Variants in SLC16A2 observed in about 807,000 individuals in gnomAD.
SLC16A2 encodes monocarboxylate transporter 8.
SLC16A2 carries 3 observed loss-of-function variants against 27.2 expected under a neutral mutation model. The ratio of observed to expected loss-of-function variants is 0.11; its 90% CI spans 0.05 to 0.28. The LOEUF is 0.28. Ranked by LOEUF, SLC16A2 falls within the 10% of genes least tolerant of loss-of-function variation. The pLI, the probability that SLC16A2 is intolerant of heterozygous loss-of-function variation, is 1.00. For synonymous variants in SLC16A2, 202 were observed against 187.8 expected (o/e 1.08, Z -0.62); for missense variants, 295 against 458.5 (o/e 0.64, Z 3.26).
chrX:74,525,064 A>G (rs1038511663), intron 3 of SLC16A2, among the ~76,000 whole-genome samples: 3 of 111,915 alleles, frequency 2.7e-5, no homozygotes, highest in Non-Finnish European at 5.6e-5. Context: ...AAAAATTTAG[A>G]TAGATTTTGA....
At chrX:74,473,136 A>G (rs1929389728) in intron 1 of SLC16A2, 4 of 586,899 alleles carry the variant, frequency 6.8e-6, no homozygotes, top group South Asian at 2.2e-5. Flanking sequence ...TCTGACTCCA[A>G]AGTTTCATGG....
chrX:74,525,922 G>A (rs1363951249), intron 4 of SLC16A2, 29 bp downstream of exon 4: 3 of 1,202,842 alleles, frequency 2.5e-6, no homozygotes, highest in Non-Finnish European at 3.4e-6. Context: ...CCACTGTGGG[G>A]AGAAACAGCC....
At chrX:74,446,889 G>A (rs1192555711) in intron 1 of SLC16A2, among the ~76,000 whole-genome samples, 1 of 112,221 alleles carries the variant, frequency 8.9e-6, no homozygotes, top group Non-Finnish European at 1.9e-5. Context: ...AGAAAATTAA[G>A]CCAAAAGAAA....
At chrX:74,459,245 T>TATATATATA (rs1569288361) in intron 1 of SLC16A2, among the ~76,000 whole-genome samples, 1 of 99,065 alleles carries the variant, frequency 1.0e-5, no homozygotes, top group Non-Finnish European at 2.0e-5. Flanking sequence ...TATATATATA[T>TATATATATA]CTCACAAGTG....
intron 1 of SLC16A2, among the ~76,000 whole-genome samples, chrX:74,518,235 A>T (rs925814898): frequency 8.9e-6 from 1 of 112,341 alleles, no homozygotes; most frequent in Non-Finnish European, 1.9e-5. Flanking sequence ...TTGCATTGCC[A>T]CCAGCAGCGT....
chrX:74,512,476 TA>T (rs990460251), intron 1 of SLC16A2, among the ~76,000 whole-genome samples: 1 of 112,454 alleles, frequency 8.9e-6, no homozygotes, highest in Admixed American at 9.4e-5. Flanking sequence ...TCTTCCTATC[TA>T]CCCTTGACCT....
chrX:74,439,051 T>C (rs1471143057), intron 1 of SLC16A2, among the ~76,000 whole-genome samples: 1 of 111,091 alleles, frequency 9.0e-6, no homozygotes, highest in Admixed American at 9.6e-5. Flanking sequence ...CTAAAAGAAA[T>C]TGGGCAGCGT....
At chrX:74,449,472 C>T (rs376027499) in intron 1 of SLC16A2, among the ~76,000 whole-genome samples, 10 of 112,369 alleles carry the variant, frequency 8.9e-5, no homozygotes, top group African/African-American at 2.9e-4. Context: ...AAGTAACTTG[C>T]ATAATATATT....
At chrX:74,470,669 A>T (rs971002190) in intron 1 of SLC16A2, among the ~76,000 whole-genome samples, 1 of 111,921 alleles carries the variant, frequency 8.9e-6, no homozygotes, top group Non-Finnish European at 1.9e-5. Context: ...AAGTTATGCC[A>T]GGCGCGGTGG....
chrX:74,531,475 G>C lies in SLC16A2; in HGVS notation c.1542G>C (p.Lys514Asn). ...AGAAAGAGCAGAGAGATTCCAGCAA[G>C]GATAAGATGTTGGCCCCTGACCCAG... ...MFKKEQRDSS[K>N]DKMLAPDPDP... Residue 514 changes from lysine (K) to asparagine (N), a missense_variant, in exon 6 of 6, where the codon AAG becomes AAC. Around this residue, in one of 3 missense-constraint regions of SLC16A2, gnomAD observed 144 missense variants for 219.8 expected, o/e 0.66. Transcript: ENST00000587091. The C allele has an allele frequency of 8.3e-7, 1 of 1,211,730 alleles. No homozygotes were observed. The highest frequency in any genetic ancestry group is 1.1e-6 in the Non-Finnish European group (1 of 895,471).
At chrX:74,473,779 G>A (rs1281861874) in intron 1 of SLC16A2, 4 of 628,429 alleles carry the variant, frequency 6.4e-6, no homozygotes, top group Non-Finnish European at 1.1e-5. Flanking sequence ...CAAATCCAAA[G>A]CCCCTGGAGG....
chrX:74,473,553 C>A lies in SLC16A2; in HGVS notation c.431-47437C>A. ...CAGTCGGTCATGATTTCAATTACTT[C>A]AATTTTTCCATACTATTCAAAATAA... On this transcript the variant is annotated intron_variant, in intron 1 of 5. Transcript: ENST00000587091. 3 of 733,969 alleles carry A rather than the reference C, an allele frequency of 4.1e-6. No individual in the cohort carries two copies. In the South Asian group the frequency reaches 6.3e-5, roughly 15 times the overall value. The allele number at this position is 733,969 out of a possible 1,213,427, so 60.5% of individuals were successfully genotyped here. A position where few individuals can be genotyped will look rare whatever the true frequency, so the allele number is the denominator to read the frequency against.
intron 1 of SLC16A2, among the ~76,000 whole-genome samples, chrX:74,449,786 T>A (rs1928904749): frequency 8.9e-6 from 1 of 111,905 alleles, no homozygotes; most frequent in Non-Finnish European, 1.9e-5. Flanking sequence ...TTTCTCTAAC[T>A]GTAAAGGCCT....
chrX:74,463,232 C>T (rs527592066), intron 1 of SLC16A2, among the ~76,000 whole-genome samples: 13 of 111,535 alleles, frequency 1.2e-4, no homozygotes, highest in Middle Eastern at 4.7e-3. Context: ...ATTATTTATG[C>T]AATGTACTTC....
rs1930574483 is a variant in SLC16A2 at position 74,531,855 on chromosome X, TG to T, written c.*305del. 2.7e-6 allele frequency: 1 copy of T among 365,194 alleles called. No homozygotes were observed. The highest frequency in any genetic ancestry group is 4.8e-6 in the Non-Finnish European group (1 of 206,450). 30.1% of individuals were successfully genotyped at this position (365,194 alleles called of 1,213,427 possible). A position where few individuals can be genotyped will look rare whatever the true frequency, so the allele number is the denominator to read the frequency against. ...TCTAAGCTCTGGGGGAGGAGGAGGA[TG>T]GGACCTCCTGGACCCAGCTTGTTAG... On this transcript the variant is annotated 3_prime_UTR_variant, in exon 6 of 6. Transcript: ENST00000587091.
intron 1 of SLC16A2, among the ~76,000 whole-genome samples, chrX:74,447,117 G>T (rs763599581): frequency 6.2e-5 from 7 of 112,317 alleles, no homozygotes; most frequent in African/African-American, 2.3e-4. Flanking sequence ...TCCCCACCCT[G>T]TCCTGCCCCA....
At chrX:74,522,531 G>T (rs1930423114) in intron 2 of SLC16A2, among the ~76,000 whole-genome samples, 1 of 112,034 alleles carries the variant, frequency 8.9e-6, no homozygotes, top group Admixed American at 9.4e-5. Context: ...GGCTCCTTGT[G>T]GGGAGGAGCT....
chrX:74,424,240 T>C (rs772356289), intron 1 of SLC16A2, among the ~76,000 whole-genome samples: 6 of 111,568 alleles, frequency 5.4e-5, no homozygotes, highest in African/African-American at 9.8e-5. Flanking sequence ...GAATTTGGTA[T>C]GTCCCTAGGG....
At chrX:74,441,957 C>T (rs1402305346) in intron 1 of SLC16A2, among the ~76,000 whole-genome samples, 1 of 110,634 alleles carries the variant, frequency 9.0e-6, no homozygotes, top group Non-Finnish European at 1.9e-5. Flanking sequence ...AGCCGGGTGC[C>T]ATGGCTTATG....
Sources: allele counts gnomAD v4.1 joint callset (sites outside exome capture counted in the v4.1 genomes callset), GRCh38; gene constraint gnomAD v4.1.1; regional missense constraint gnomAD v4.1.1; transcripts MANE v1.5; gene names NCBI Gene and HGNC (gene_info 2026-07-23, HGNC 2026-07-21).